Variants in MACO1 observed in about 807,000 individuals in gnomAD.
MACO1 encodes macoilin 1.
Under a neutral mutation model 78.7 loss-of-function variants are expected in MACO1, and 14 were observed. The observed-to-expected ratio is 0.18, with a 90% CI of 0.12 to 0.28. The LOEUF (loss-of-function observed/expected upper bound fraction) is 0.28. Ranked by LOEUF, MACO1 falls within the 10% of genes least tolerant of loss-of-function variation. The pLI, the probability that MACO1 is intolerant of heterozygous loss-of-function variation, is 1.00. For synonymous variants in MACO1, 288 were observed against 291.6 expected, an observed-to-expected ratio of 0.99 and a Z score of 0.12; for missense variants, 501 against 799.0, an observed-to-expected ratio of 0.63 and a Z score of 4.50.
chr1:25,495,760 G>A (rs2043530292), intron 10 of MACO1, among the ~76,000 whole-genome samples: 2 of 152,102 alleles, frequency 1.3e-5, no homozygotes, highest in South Asian at 2.1e-4. Flanking sequence ...TCAAGAGATC[G>A]AGACCATCCT....
At chr1:25,462,463 CCTTTT>C (rs1324900834) in intron 6 of MACO1, among the ~76,000 whole-genome samples, 1 of 152,158 alleles carries the variant, frequency 6.6e-6, no homozygotes, top group Non-Finnish European at 1.5e-5. Flanking sequence ...CTCTCTTCCT[CCTTTT>C]CAAGTCCCTA....
chr1:25,486,637 TTAAAG>T (rs1318536003), intron 8 of MACO1, among the ~76,000 whole-genome samples: 1 of 152,248 alleles, frequency 6.6e-6, no homozygotes, highest in African/African-American at 2.4e-5. Flanking sequence ...TTTGTCGTAA[TTAAAG>T]TTAAGTAATT....
intron 1 of MACO1, among the ~76,000 whole-genome samples, chr1:25,435,935 AGT>A (rs2042915773): frequency 1.3e-5 from 2 of 152,190 alleles, no homozygotes; most frequent in Non-Finnish European, 2.9e-5. Flanking sequence ...CTGTCTGAGC[AGT>A]CTTGGCAGTT....
intron 10 of MACO1, among the ~76,000 whole-genome samples, chr1:25,494,095 A>G (rs1301131143): frequency 6.6e-6 from 1 of 152,152 alleles, no homozygotes. Flanking sequence ...CCTAATTTCT[A>G]GAAGACTCCA....
intron 2 of MACO1, among the ~76,000 whole-genome samples, chr1:25,447,162 G>C (rs1190577675): frequency 6.6e-6 from 1 of 152,184 alleles, no homozygotes; most frequent in East Asian, 1.9e-4. Flanking sequence ...GTCTGGGGAT[G>C]GCATATTCCC....
In MACO1 at chr1:25,481,678, G is replaced by GAGAC. The variant is rs1373901729; in HGVS notation, c.1155-2435_1155-2432dup. On this transcript the variant is annotated intron_variant, in intron 6 of 10. Coordinates refer to ENST00000374343, the MANE Select transcript of MACO1 (RefSeq NM_018202.6). ...CTTTGGGCTACTTAGGAGTGAATGA[G>GAGAC]AGACAGTATGGTGATGGTATAAATG... Among the ~76,000 whole-genome samples, 17 of 152,314 alleles carry GAGAC rather than the reference G, an allele frequency of 1.1e-4. No homozygotes were observed. The East Asian group carries it at 3.3e-3, about 29-fold the overall frequency.
intron 6 of MACO1, among the ~76,000 whole-genome samples, chr1:25,464,848 G>T (rs1400477763): frequency 6.6e-6 from 1 of 150,964 alleles, no homozygotes; most frequent in Non-Finnish European, 1.5e-5. Context: ...AGTAGAGACG[G>T]TTTTTTAGTA....
At chr1:25,464,054 A>G (rs2043194408) in intron 6 of MACO1, among the ~76,000 whole-genome samples, 2 of 152,168 alleles carry the variant, frequency 1.3e-5, no homozygotes, top group African/African-American at 4.8e-5. Context: ...TTAGTGTTAA[A>G]CAGTCTTATG....
intron 5 of MACO1, 48 bp downstream of exon 5, chr1:25,456,879 TTG>T: frequency 6.5e-7 from 1 of 1,531,254 alleles, no homozygotes; most frequent in Non-Finnish European, 8.7e-7. Flanking sequence ...AGTCATTATT[TTG>T]TCTCTTGGTA....
intron 1 of MACO1, among the ~76,000 whole-genome samples, chr1:25,440,975 A>G (rs369437998): frequency 3.9e-5 from 6 of 152,156 alleles, no homozygotes; most frequent in Non-Finnish European, 5.9e-5. Context: ...TAGTTTCTTC[A>G]TAGTGAAGAA....
Position 25,488,286 on chromosome 1 carries a change from A to G in MACO1, c.1497-887A>G, listed in dbSNP as rs557142733. On this transcript the variant is annotated intron_variant, in intron 8 of 10. Transcript: ENST00000374343. ...AGGCTGATCTCAGACTCTGGGCTCA[A>G]GCAGTCCTCCCACCTTGGCCTTGGG... 2.6e-5 allele frequency among the ~76,000 whole-genome samples: 4 copies of G among 152,200 alleles called. No homozygotes were observed. In the East Asian group the frequency reaches 7.7e-4, roughly 29 times the overall value.
At chr1:25,495,163 CT>C (rs1447327753) in intron 10 of MACO1, among the ~76,000 whole-genome samples, 1 of 152,142 alleles carries the variant, frequency 6.6e-6, no homozygotes, top group Non-Finnish European at 1.5e-5. Flanking sequence ...ACCCTGTTTA[CT>C]TGGTTTTGCA....
intron 4 of MACO1, among the ~76,000 whole-genome samples, chr1:25,455,532 A>G (rs1339357655): frequency 1.3e-5 from 2 of 152,238 alleles, no homozygotes; most frequent in Non-Finnish European, 2.9e-5. Context: ...TAGACTAATT[A>G]TAAATTGATA....
At chr1:25,447,360 A>C in intron 2 of MACO1, among the ~76,000 whole-genome samples, 1 of 152,234 alleles carries the variant, frequency 6.6e-6, no homozygotes, top group East Asian at 1.9e-4. Context: ...TGAGGACTCC[A>C]GAGAGCCTTT....
At chr1:25,457,541 C>G (rs1162333949) in intron 5 of MACO1, among the ~76,000 whole-genome samples, 1 of 152,178 alleles carries the variant, frequency 6.6e-6, no homozygotes, top group African/African-American at 2.4e-5. Flanking sequence ...AATTGAACTT[C>G]AGAAGCCAGA....
intron 6 of MACO1, among the ~76,000 whole-genome samples, chr1:25,465,989 C>T (rs1405700203): frequency 6.6e-6 from 1 of 152,120 alleles, no homozygotes; most frequent in Non-Finnish European, 1.5e-5. Context: ...ATGTATACCA[C>T]ATTTTCTTTA....
rs543028280 is a variant in MACO1 at position 25,449,281 on chromosome 1, TCATTGAAA to T, written c.349+348_349+355del. 2.7e-4 allele frequency among the ~76,000 whole-genome samples: 41 copies of T among 152,260 alleles called. No individual in the cohort carries two copies. In the East Asian group the frequency reaches 7.9e-3, roughly 29 times the overall value. ...AAAAAAAAATGTTCATGGAATTTCA[TCATTGAAA>T]GGAATGTCATTTAGATGAACCCTTA... On this transcript the variant is annotated intron_variant, in intron 3 of 10. Coordinates refer to ENST00000374343, the MANE Select transcript of MACO1 (RefSeq NM_018202.6).
In MACO1 at chr1:25,491,520, G is replaced by C; in HGVS notation, c.1728G>C (p.Thr576=). Residue 576 remains threonine (T), a synonymous_variant, in exon 10 of 11, where the codon ACG becomes ACC. Coordinates refer to ENST00000374343, the MANE Select transcript of MACO1 (RefSeq NM_018202.6). ...QHLENSLSAE[T]RIKLDLFSAL... ...TGGAGAACAGCTTAAGTGCAGAGAC[G>C]AGAATCAAGCTGGACCTGTTCTCCG... is the stretch of plus-strand genomic sequence containing the variant. 2 of 1,614,252 alleles carry C rather than the reference G, an allele frequency of 1.2e-6. No homozygotes were observed. Among genetic ancestry groups the C allele is most frequent in the Non-Finnish European group, 1.7e-6 (2 of 1,180,044 alleles).
intron 6 of MACO1, among the ~76,000 whole-genome samples, chr1:25,463,730 A>C (rs1409545475): frequency 1.3e-5 from 2 of 152,260 alleles, no homozygotes; most frequent in African/African-American, 4.8e-5. Context: ...TAGATAAAGG[A>C]AGAGAAAATA....
Sources: gnomAD v4.1 joint callset for allele counts (sites outside exome capture counted in the v4.1 genomes callset) on GRCh38, gnomAD v4.1.1 for gene constraint, MANE v1.5 for transcripts, NCBI Gene and HGNC (gene_info 2026-07-23, HGNC 2026-07-21) for gene names.